PFKFB3: variants seen among roughly 807,000 people sequenced by gnomAD.
PFKFB3 encodes 6-phosphofructo-2-kinase/fructose-2,6-biphosphatase 3.
In PFKFB3, 33 loss-of-function variants were observed where a neutral mutation model predicts 68.0. The observed-to-expected ratio is 0.49, with a 90% CI of 0.37 to 0.65. The LOEUF is 0.65. Ranked by LOEUF, PFKFB3 falls within the 30% of genes least tolerant of loss-of-function variation. The probability of loss-of-function intolerance (pLI) is 0.00; values close to 1 mark genes in which losing one functional copy is unlikely to be tolerated. For synonymous variants in PFKFB3, 315 were observed against 288.2 expected (o/e 1.09, Z -0.94); for missense variants, 586 against 712.2 (o/e 0.82, Z 2.02).
At chr10:6,279,367 G>A in the PFKFB3 span, among the ~76,000 whole-genome samples, 3 of 152,182 alleles carry the variant, frequency 2.0e-5, no homozygotes, top group Non-Finnish European at 4.4e-5. Context: ...GGACTGAAAT[G>A]TTCTTTTCTG....
chr10:6,307,546 C>CTTCCTTCT, the PFKFB3 span, among the ~76,000 whole-genome samples: 1 of 149,826 alleles, frequency 6.7e-6, no homozygotes, highest in East Asian at 2.0e-4. Flanking sequence ...TCCTTCCTTC[C>CTTCCTTCT]TTCCTTCCTT....
chr10:6,265,377 C>T, the PFKFB3 span, among the ~76,000 whole-genome samples: 819 of 152,072 alleles, frequency 5.4e-3, 14 homozygotes, highest in African/African-American at 0.018. Context: ...CACCGCCCCT[C>T]ACCTAATTTG....
At chr10:6,283,873 T>G in the PFKFB3 span, among the ~76,000 whole-genome samples, 1 of 152,228 alleles carries the variant, frequency 6.6e-6, no homozygotes, top group South Asian at 2.1e-4. Flanking sequence ...TGCCACCCCA[T>G]GGCAGGATTC....
At chr10:6,244,002 G>T (rs1295240506) in intron 14 of PFKFB3, among the ~76,000 whole-genome samples, 1 of 151,964 alleles carries the variant, frequency 6.6e-6, no homozygotes, top group Admixed American at 6.6e-5. Context: ...TGAGACTACA[G>T]GTACATACTA....
chr10:6,266,109 A>G, the PFKFB3 span, among the ~76,000 whole-genome samples: 7 of 151,840 alleles, frequency 4.6e-5, no homozygotes, highest in Non-Finnish European at 2.9e-5. Context: ...AGGCCTTACT[A>G]TGTTGCCCAG....
chr10:6,178,889 C>T (rs1815945412), intron 1 of PFKFB3, among the ~76,000 whole-genome samples: 1 of 152,236 alleles, frequency 6.6e-6, no homozygotes, highest in Admixed American at 6.5e-5. Flanking sequence ...GCCTGACTCC[C>T]TTGAGAAGTG....
chr10:6,286,008 C>T, the PFKFB3 span, among the ~76,000 whole-genome samples: 27 of 121,248 alleles, frequency 2.2e-4, no homozygotes, highest in Non-Finnish European at 4.0e-4. Context: ...GATGGAGTCT[C>T]GCTCTGTCGC....
intron 13 of PFKFB3, among the ~76,000 whole-genome samples, chr10:6,225,890 C>T (rs1000158202): frequency 5.9e-5 from 9 of 152,212 alleles, no homozygotes; most frequent in African/African-American, 1.2e-4. Flanking sequence ...TCCGACCTCA[C>T]GCTCTGCTGT....
the PFKFB3 span, among the ~76,000 whole-genome samples, chr10:6,288,624 T>G: frequency 1.3e-5 from 2 of 151,764 alleles, no homozygotes; most frequent in African/African-American, 2.4e-5. Flanking sequence ...TTGGGTTGGT[T>G]CCAAGTCTTT....
intron 13 of PFKFB3, 140 bp downstream of exon 13, chr10:6,224,353 C>T (rs1845176634): frequency 2.8e-6 from 2 of 719,980 alleles, no homozygotes; most frequent in East Asian, 2.7e-5. Flanking sequence ...CTGCCTTCCT[C>T]AGCACCTCTT....
rs1307212811 is a variant in PFKFB3, at chr10:6,226,327, T to C, written c.1477T>C (p.Cys493Arg). The change falls in exon 14 of 15, where the codon TGC (cysteine) becomes CGC (arginine). Residue 493 changes from cysteine to arginine, a missense_variant. By Grantham distance (180) the Cys-to-Arg change is radical (BLOSUM62 -3). Transcript: ENST00000379775. ...VASTSAALPS[C>R]LPPEVPTQLP... ...CTCCACCTCGGCCGCCCTGCCCAGC[T>C]GCCTGCCCCCGGAGGTGCCCACGCA... 1.9e-6 allele frequency: 3 copies of C among 1,613,768 alleles called. No homozygotes were observed. Among genetic ancestry groups the C allele is most frequent in the Non-Finnish European group, 1.7e-6 (2 of 1,179,962 alleles).
At chr10:6,262,469 A>AAAT in the PFKFB3 span, among the ~76,000 whole-genome samples, 200 of 121,738 alleles carry the variant, frequency 1.6e-3, 9 homozygotes, top group African/African-American at 5.8e-3. Context: ...AAAAAAAAAA[A>AAAT]AAAAAAAAAA....
intron 14 of PFKFB3, among the ~76,000 whole-genome samples, chr10:6,230,382 A>G (rs932069599): frequency 2.0e-5 from 3 of 152,172 alleles, no homozygotes; most frequent in Non-Finnish European, 4.4e-5. Context: ...CCTGGCCTCT[A>G]TCCTTGGCAC....
chr10:6,185,524 C>T (rs890887305), intron 1 of PFKFB3, among the ~76,000 whole-genome samples: 3 of 152,196 alleles, frequency 2.0e-5, no homozygotes, highest in East Asian at 3.9e-4. Context: ...TCTGGTCTCG[C>T]CCCTCTTCCA....
intron 1 of PFKFB3, among the ~76,000 whole-genome samples, chr10:6,195,710 G>A (rs1157466527): frequency 1.3e-5 from 2 of 152,226 alleles, no homozygotes; most frequent in Admixed American, 1.3e-4. Flanking sequence ...GAATTCTCTT[G>A]GGGGAGAAGG....
the PFKFB3 span, chr10:6,293,084 C>A: frequency 7.6e-6 from 3 of 395,484 alleles, no homozygotes; most frequent in South Asian, 4.5e-5. Flanking sequence ...ACATTTCCGT[C>A]GTGTGATGAA....
At chr10:6,264,676 T>C in the PFKFB3 span, among the ~76,000 whole-genome samples, 1 of 152,232 alleles carries the variant, frequency 6.6e-6, no homozygotes, top group South Asian at 2.1e-4. Flanking sequence ...TTTTTCAACA[T>C]TTAACAAAAC....
chr10:6,228,116 C>A lies in PFKFB3; in HGVS notation c.1515+1751C>A. The A allele has an allele frequency of 6.6e-7, 1 of 1,506,894 alleles. No homozygotes were observed. Among genetic ancestry groups the A allele is most frequent in the Non-Finnish European group, 9.2e-7 (1 of 1,084,588 alleles). The allele number at this position is 1,506,894 out of a possible 1,614,324, so 93.3% of individuals were successfully genotyped here. On this transcript the variant is annotated intron_variant, in intron 14 of 14. Coordinates refer to ENST00000379775, the MANE Select transcript of PFKFB3 (RefSeq NM_004566.4). This position sits in a 1 kb window ranked among gnomAD's most constrained non-coding sequence, Gnocchi z 4.5. ...CGTCTGAAGCTGCTGGCTGGGCCGG[C>A]GTGGGGTTTTTCAGGGCTTCGTCCC...
At chr10:6,165,978 C>CTTTTTTT (rs35266127) in intron 1 of PFKFB3, among the ~76,000 whole-genome samples, 2 of 124,888 alleles carry the variant, frequency 1.6e-5, no homozygotes, top group African/African-American at 6.2e-5. Context: ...CCAGGCTCAA[C>CTTTTTTT]TTTTTTTTTT....
Sources: allele counts gnomAD v4.1 joint callset (sites outside exome capture counted in the v4.1 genomes callset), GRCh38; gene constraint gnomAD v4.1.1; non-coding constraint Gnocchi (gnomAD v3.1); transcripts MANE v1.5; gene names NCBI Gene and HGNC (gene_info 2026-07-23, HGNC 2026-07-21).